Variants in PCSK5 observed in about 807,000 individuals in gnomAD.
PCSK5 encodes the protein prohormone convertase 5.
Under a neutral mutation model 233.2 loss-of-function variants are expected in PCSK5, and 129 were observed. That is an observed-to-expected ratio of 0.55 (90% CI 0.48 to 0.64). The LOEUF is 0.64. PCSK5 is among the 30% of genes least tolerant of loss of function. The pLI is 0.00. For missense variants in PCSK5, 2,076 were observed against 2,430.1 expected, an observed-to-expected ratio of 0.85 and a Z score of 3.06; for synonymous variants, 825 against 879.2, an observed-to-expected ratio of 0.94 and a Z score of 1.09.
intron 22 of PCSK5, among the ~76,000 whole-genome samples, chr9:76,236,794 A>G (rs1826263824): frequency 6.6e-6 from 1 of 152,200 alleles, no homozygotes; most frequent in African/African-American, 2.4e-5. Flanking sequence ...CCAAAGAGGC[A>G]CCTCAATAAA....
intron 1 of PCSK5, among the ~76,000 whole-genome samples, chr9:75,905,935 ATTTGT>A (rs147094658): frequency 7.2e-4 from 109 of 152,174 alleles, no homozygotes; most frequent in African/African-American, 2.4e-3. Flanking sequence ...TAAATGGGTG[ATTTGT>A]TTGGTATGTG....
At chr9:76,063,319 CTTTTTTTTTTTTTTTTT>C (rs1157596601) in intron 5 of PCSK5, among the ~76,000 whole-genome samples, 2 of 59,674 alleles carry the variant, frequency 3.4e-5, no homozygotes, top group African/African-American at 6.4e-5. Context: ...TTTCTTTTTT[CTTTTTTTTTTTTTTTTT>C]TTTTTTTTTT....
chr9:76,163,758 A>C (rs1025519755), intron 12 of PCSK5, among the ~76,000 whole-genome samples: 4 of 152,176 alleles, frequency 2.6e-5, no homozygotes, highest in Non-Finnish European at 5.9e-5. Context: ...CCTATATACT[A>C]TGACACATTC....
intron 1 of PCSK5, among the ~76,000 whole-genome samples, chr9:75,919,834 A>T (rs1194850200): frequency 6.6e-6 from 1 of 152,112 alleles, no homozygotes; most frequent in Non-Finnish European, 1.5e-5. Flanking sequence ...TGCTAACTCT[A>T]CCAGTCCTTA....
chr9:76,144,959 C>T (rs897651013), intron 10 of PCSK5, among the ~76,000 whole-genome samples: 1 of 152,074 alleles, frequency 6.6e-6, no homozygotes, highest in Non-Finnish European at 1.5e-5. Flanking sequence ...AACCCCATCT[C>T]TACTAAAAAT....
At chr9:76,159,816 CTTTTTTTTTTTT>C (rs386415165) in intron 12 of PCSK5, among the ~76,000 whole-genome samples, 22 of 97,588 alleles carry the variant, frequency 2.3e-4, no homozygotes, top group African/African-American at 7.9e-4. Flanking sequence ...CTCTTCAGTC[CTTTTTTTTTTTT>C]TTTTTTTTTT....
chr9:76,072,557 G>C (rs945065624), intron 7 of PCSK5, among the ~76,000 whole-genome samples: 1 of 152,194 alleles, frequency 6.6e-6, no homozygotes, highest in African/African-American at 2.4e-5. Flanking sequence ...AAGGAGGAGA[G>C]CTCCACCAGA....
chr9:76,349,273 C>CAAA (rs71372068), intron 35 of PCSK5, among the ~76,000 whole-genome samples: 7 of 66,462 alleles, frequency 1.1e-4, no homozygotes, highest in African/African-American at 2.7e-4. Flanking sequence ...GACTCTGTCT[C>CAAA]AAAAAAAAAA....
chr9:76,093,311 T>A (rs1446128510), intron 7 of PCSK5, among the ~76,000 whole-genome samples: 1 of 152,068 alleles, frequency 6.6e-6, no homozygotes, highest in East Asian at 1.9e-4. Context: ...CCCAGGCTGG[T>A]CTCTAACTCC....
chr9:76,249,185 A>G (rs1469024402), intron 24 of PCSK5, among the ~76,000 whole-genome samples: 1 of 152,230 alleles, frequency 6.6e-6, no homozygotes. Context: ...GAAGGTTGTT[A>G]CTTGCATCTG....
At chr9:76,318,888 GA>G (rs892546012) in intron 30 of PCSK5, among the ~76,000 whole-genome samples, 3 of 151,872 alleles carry the variant, frequency 2.0e-5, no homozygotes, top group Non-Finnish European at 4.4e-5. Flanking sequence ...CTAACAAAAA[GA>G]AAAAAATAAT....
chr9:75,958,605 C>T (rs1825199190), intron 2 of PCSK5, among the ~76,000 whole-genome samples: 3 of 152,146 alleles, frequency 2.0e-5, no homozygotes, highest in African/African-American at 4.8e-5. Context: ...TTGAGACTCT[C>T]TGTGAGATAA....
intron 7 of PCSK5, among the ~76,000 whole-genome samples, chr9:76,094,601 A>C (rs574881980): frequency 2.0e-5 from 3 of 152,172 alleles, no homozygotes; most frequent in East Asian, 1.9e-4. Flanking sequence ...TGAGGACTTT[A>C]AGAAAGTCAT....
intron 21 of PCSK5, among the ~76,000 whole-genome samples, chr9:76,230,474 T>C (rs1826043286): frequency 6.6e-6 from 1 of 152,186 alleles, no homozygotes; most frequent in Non-Finnish European, 1.5e-5. Context: ...AGATTACTTC[T>C]CCCAAGACAA....
intron 9 of PCSK5, among the ~76,000 whole-genome samples, chr9:76,128,088 G>A (rs568351020): frequency 6.6e-6 from 1 of 152,280 alleles, no homozygotes; most frequent in African/African-American, 2.4e-5. Flanking sequence ...CTTAGTCTGT[G>A]GGCCTAGAAC....
rs766780986 is a variant in PCSK5 at position 76,233,610 on chromosome 9, G to A, written c.2866+14G>A. 9 of 1,605,816 alleles carry A rather than the reference G, an allele frequency of 5.6e-6. No individual in the cohort carries two copies. The highest frequency in any genetic ancestry group is 7.6e-6 in the Non-Finnish European group (9 of 1,178,084). ...CCTGTGGAGCAGGTGAGAGACTGCTGCTCCTCCGTCTTCTGCACCCCAAAC... is the reference window on the plus strand; with the variant it reads ...CCTGTGGAGCAGGTGAGAGACTGCTACTCCTCCGTCTTCTGCACCCCAAAC... On this transcript the variant is annotated intron_variant, in intron 22 of 37. Coordinates refer to ENST00000674117, the MANE Select transcript of PCSK5 (RefSeq NM_001372043.1).
intron 2 of PCSK5, among the ~76,000 whole-genome samples, chr9:75,934,372 C>T (rs1231293207): frequency 6.6e-6 from 1 of 152,106 alleles, no homozygotes; most frequent in Non-Finnish European, 1.5e-5. Context: ...ACTTTCGGAT[C>T]TTTCTTGTAG....
intron 7 of PCSK5, among the ~76,000 whole-genome samples, chr9:76,090,545 A>G (rs1429131804): frequency 1.3e-5 from 2 of 152,152 alleles, no homozygotes; most frequent in South Asian, 2.1e-4. Flanking sequence ...GGCAGTCTCT[A>G]TGCATTCTGT....
At position 75,908,875 on chromosome 9, in the gene PCSK5, T is replaced by TTATCTATCTATCTATCTATC. The variant is rs58985562; in HGVS notation, c.192+17532_192+17551dup. Among the ~76,000 whole-genome samples, 188 of 116,074 alleles carry TTATCTATCTATCTATCTATC rather than the reference T, an allele frequency of 1.6e-3. 1 individual carries two copies. The highest frequency in any genetic ancestry group is 5.6e-3 in the East Asian group (23 of 4,108). The allele number at this position is 116,074 out of a possible 152,430, so 76.1% of individuals were successfully genotyped here. On this transcript the variant is annotated intron_variant, in intron 1 of 37. Transcript: ENST00000674117. ...CATCCATGCATCCTTCTCTTTCTATTTATCTATCTATCTATCTATCTATCT... is the reference window on the plus strand; with the variant it reads ...CATCCATGCATCCTTCTCTTTCTATTTATCTATCTATCTATCTATCTATCTATCTATCTATCTATCTATCT...
Sources: allele counts gnomAD v4.1 joint callset (sites outside exome capture counted in the v4.1 genomes callset), GRCh38; gene constraint gnomAD v4.1.1; transcripts MANE v1.5; gene names NCBI Gene and HGNC (gene_info 2026-07-23, HGNC 2026-07-21).